MGAT4C: variants seen among roughly 807,000 people sequenced by gnomAD.
MGAT4C encodes MGAT4 family member C.
Under a neutral mutation model 40.1 loss-of-function variants are expected in MGAT4C, and 19 were observed. The observed-to-expected ratio is 0.47, with a 90% CI of 0.33 to 0.70. MGAT4C has a LOEUF of 0.70. MGAT4C is among the 30% of genes least tolerant of loss of function. The pLI, the probability that MGAT4C is intolerant of heterozygous loss-of-function variation, is 0.02. For synonymous variants in MGAT4C, 181 were observed against 187.1 expected, an observed-to-expected ratio of 0.97 and a Z score of 0.27; for missense variants, 491 against 563.2, an observed-to-expected ratio of 0.87 and a Z score of 1.30.
intron 2 of MGAT4C, among the ~76,000 whole-genome samples, chr12:86,492,233 A>G (rs1178179855): frequency 1.3e-5 from 2 of 152,220 alleles, no homozygotes; most frequent in African/African-American, 2.4e-5. Context: ...AAGGTAAGTT[A>G]TAGATTCAAT....
intron 1 of MGAT4C, among the ~76,000 whole-genome samples, chr12:86,157,629 TTTAA>T: frequency 6.6e-6 from 1 of 152,132 alleles, no homozygotes; most frequent in East Asian, 1.9e-4. Context: ...AGAAAAGAGA[TTTAA>T]TTGATGTACA....
Position 85,966,647 on chromosome 12 carries a change from T to C in MGAT4C, c.*12642A>G, listed in dbSNP as rs1023349048. ...CACAATAGCAAAGACTTGGAACCAA[T>C]CCAAATGTCCAACAATGATAGACTG... On this transcript the variant is annotated 3_prime_UTR_variant, in exon 5 of 5. Transcript: ENST00000611864. 4 of 151,928 alleles carry C rather than the reference T, an allele frequency of 2.6e-5. No homozygotes were observed. The highest frequency in any genetic ancestry group is 4.4e-5 in the Non-Finnish European group (3 of 68,002). 9.4% of individuals were successfully genotyped at this position (151,928 alleles called of 1,614,324 possible).
At chr12:86,012,911 G>A (rs1395546547) in intron 2 of MGAT4C, among the ~76,000 whole-genome samples, 7 of 151,586 alleles carry the variant, frequency 4.6e-5, no homozygotes, top group Admixed American at 4.6e-4. Context: ...ATTGCTTCAG[G>A]ACAGGTGTTT....
chr12:86,054,707 T>A (rs1170982383), intron 1 of MGAT4C, among the ~76,000 whole-genome samples: 4 of 150,464 alleles, frequency 2.7e-5, no homozygotes, highest in Non-Finnish European at 3.0e-5. Context: ...AAATAATGAA[T>A]AAATTAGCTT....
At chr12:86,277,012 G>T (rs1453911382) in intron 4 of MGAT4C, among the ~76,000 whole-genome samples, 2 of 152,118 alleles carry the variant, frequency 1.3e-5, no homozygotes, top group African/African-American at 4.8e-5. Context: ...CCTCCGAACT[G>T]TTCTCCCTAG....
rs145409984 is a variant in MGAT4C at position 86,203,391 on chromosome 12, T to C, written c.-57+52848A>G. On this transcript the variant is annotated intron_variant, in intron 1 of 4. Transcript: ENST00000611864. ...GATCTGAGCTGAACAGGAGCTATTG[T>C]CTACAAGGTAACAAGCAAAGTGCTC... Among the ~76,000 whole-genome samples the C allele has an allele frequency of 3.2e-3, 491 of 152,264 alleles. 2 individuals carry two copies. Among genetic ancestry groups the C allele is most frequent in the African/African-American group, 0.011 (456 of 41,542 alleles).
At chr12:86,103,010 A>G (rs1875401718) in intron 1 of MGAT4C, among the ~76,000 whole-genome samples, 1 of 152,134 alleles carries the variant, frequency 6.6e-6, no homozygotes, top group Admixed American at 6.6e-5. Flanking sequence ...CATTCCTAAT[A>G]TTACGTATTT....
chr12:86,374,497 A>C (rs1197283973), intron 3 of MGAT4C, among the ~76,000 whole-genome samples: 3 of 152,162 alleles, frequency 2.0e-5, no homozygotes, highest in Non-Finnish European at 2.9e-5. Context: ...GGTTATACCA[A>C]CAACAATTTA....
Position 86,484,238 on chromosome 12 carries a change from C to T in MGAT4C, c.-228-48973G>A, listed in dbSNP as rs567540019. 9.9e-5 allele frequency among the ~76,000 whole-genome samples: 15 copies of T among 152,258 alleles called. No individual in the cohort carries two copies. In the South Asian group the frequency reaches 3.1e-3, roughly 32 times the overall value. The stretch of plus-strand genomic sequence containing the variant: ...GTGTTCTGAGGTAGCTGCAGTGGAA[C>T]ACCACCATAGGCACCCTTCTCTAGA... On this transcript the variant is annotated intron_variant, in intron 2 of 7. Transcript: ENST00000548651.
chr12:86,704,248 T>TGG (rs1333202445), intron 2 of MGAT4C, among the ~76,000 whole-genome samples: 6 of 152,096 alleles, frequency 3.9e-5, no homozygotes, highest in African/African-American at 1.4e-4. Flanking sequence ...AAGAAAAAAG[T>TGG]TACTCCTAAT....
chr12:86,467,791 A>T (rs1592883808), intron 2 of MGAT4C, among the ~76,000 whole-genome samples: 1 of 152,242 alleles, frequency 6.6e-6, no homozygotes, highest in South Asian at 2.1e-4. Context: ...TAATGTTTCC[A>T]GGATTCTTGA....
chr12:86,000,753 C>A (rs1008269229), intron 2 of MGAT4C, among the ~76,000 whole-genome samples: 27 of 152,110 alleles, frequency 1.8e-4, no homozygotes, highest in African/African-American at 6.5e-4. Flanking sequence ...TGTTGAAAAA[C>A]AACTTTATTA....
intron 2 of MGAT4C, among the ~76,000 whole-genome samples, chr12:86,603,393 A>G (rs28869195): frequency 7.8e-6 from 1 of 128,116 alleles, no homozygotes; most frequent in Non-Finnish European, 1.6e-5. Context: ...TATACTATAT[A>G]ATATATATTA....
At chr12:86,763,673 T>C (rs1951445462) in intron 1 of MGAT4C, among the ~76,000 whole-genome samples, 1 of 152,306 alleles carries the variant, frequency 6.6e-6, no homozygotes, top group African/African-American at 2.4e-5. Flanking sequence ...ATTAATTTTT[T>C]ATTGGTATAG....
chr12:86,781,393 A>C (rs1951837857), intron 1 of MGAT4C, among the ~76,000 whole-genome samples: 1 of 151,952 alleles, frequency 6.6e-6, no homozygotes, highest in Non-Finnish European at 1.5e-5. Context: ...AGAACTCAGC[A>C]CTCTTGACTT....
At chr12:86,072,026 T>TGTGTGTG (rs1868598950) in intron 1 of MGAT4C, among the ~76,000 whole-genome samples, 1 of 148,958 alleles carries the variant, frequency 6.7e-6, no homozygotes, top group African/African-American at 2.5e-5. Flanking sequence ...GCATAGGGTT[T>TGTGTGTG]TGTGTGTGTG....
At chr12:86,590,310 T>C (rs1418426884) in intron 2 of MGAT4C, among the ~76,000 whole-genome samples, 4 of 151,944 alleles carry the variant, frequency 2.6e-5, no homozygotes, top group Non-Finnish European at 5.9e-5. Flanking sequence ...GGCATGAGAC[T>C]TAGTTTTCAT....
At chr12:86,521,172 A>C (rs940382839) in intron 2 of MGAT4C, among the ~76,000 whole-genome samples, 6 of 152,172 alleles carry the variant, frequency 3.9e-5, no homozygotes, top group African/African-American at 1.4e-4. Context: ...GGTATTGCCT[A>C]GGTTGTCTTC....
intron 1 of MGAT4C, among the ~76,000 whole-genome samples, chr12:86,792,734 C>T (rs112628545): frequency 0.024 from 3,688 of 152,058 alleles, 63 homozygotes; most frequent in African/African-American, 0.056. Context: ...GAGTTCAAGA[C>T]CAGCGCAAAC....
Sources: gnomAD v4.1 joint callset for allele counts (sites outside exome capture counted in the v4.1 genomes callset) on GRCh38, gnomAD v4.1.1 for gene constraint, MANE v1.5 for transcripts, NCBI Gene and HGNC (gene_info 2026-07-23, HGNC 2026-07-21) for gene names.